Variants in DAB1 observed in about 807,000 individuals in gnomAD.
DAB1 encodes the protein disabled homolog 1.
A neutral mutation model predicts 64.6 loss-of-function variants in DAB1; 15 were observed. The ratio of observed to expected loss-of-function variants is 0.23; its 90% CI spans 0.16 to 0.36. DAB1 has a LOEUF of 0.36. DAB1 is among the 10% of genes least tolerant of loss of function. The pLI is 1.00. For missense variants in DAB1, 596 were observed against 706.7 expected (o/e 0.84, Z 1.78); for synonymous variants, 235 against 251.9 (o/e 0.93, Z 0.64).
At chr1:57,592,134 G>A (rs753937628) in intron 7 of DAB1, among the ~76,000 whole-genome samples, 17 of 152,162 alleles carry the variant, frequency 1.1e-4, no homozygotes, top group Non-Finnish European at 1.9e-4. Flanking sequence ...CACTTAAGGA[G>A]GCAGATAAGG....
At chr1:57,315,534 G>T (rs781568728) in intron 1 of DAB1, among the ~76,000 whole-genome samples, 1 of 152,066 alleles carries the variant, frequency 6.6e-6, no homozygotes, top group Non-Finnish European at 1.5e-5. Context: ...ACGGAGTCTC[G>T]CTCTGTCACC....
At chr1:57,486,409 C>G (rs1211710777) in intron 7 of DAB1, among the ~76,000 whole-genome samples, 2 of 152,160 alleles carry the variant, frequency 1.3e-5, no homozygotes, top group African/African-American at 4.8e-5. Flanking sequence ...AAAGTGCTGT[C>G]CTTTGTGGGA....
At chr1:57,866,401 G>A (rs1654301970) in intron 1 of DAB1, 1 of 152,118 alleles carries the variant, frequency 6.6e-6, no homozygotes, top group Non-Finnish European at 1.5e-5. Context: ...TAACTATGGG[G>A]TAAATTAATG....
At position 57,230,174 on chromosome 1, in the gene DAB1, T is replaced by C. The variant is rs575496243; in HGVS notation, c.67+60790A>G. Among the ~76,000 whole-genome samples, 9 of 152,336 alleles carry C rather than the reference T, an allele frequency of 5.9e-5. No individual in the cohort carries two copies. In the South Asian group the frequency reaches 1.2e-3, roughly 21 times the overall value. On this transcript the variant is annotated intron_variant, in intron 2 of 14. Transcript: ENST00000371236. ...AAATTGAGCTCTTTAACTCTCATTC[T>C]GACTTCTTATGCAAGCTAACAACTA... is the stretch of plus-strand genomic sequence containing the variant.
chr1:57,523,458 G>A (rs1644554652), intron 7 of DAB1, among the ~76,000 whole-genome samples: 1 of 152,172 alleles, frequency 6.6e-6, no homozygotes, highest in Non-Finnish European at 1.5e-5. Context: ...TGAACAAACA[G>A]CCAATGAGCA....
At chr1:58,070,942 G>A (rs188598995) in intron 5 of DAB1, among the ~76,000 whole-genome samples, 10 of 152,286 alleles carry the variant, frequency 6.6e-5, no homozygotes, top group East Asian at 3.9e-4. Flanking sequence ...AGGTGGAGAC[G>A]CCCAGTTCAC....
chr1:57,902,395 G>A (rs1644489362), intron 5 of DAB1, among the ~76,000 whole-genome samples: 1 of 151,962 alleles, frequency 6.6e-6, no homozygotes, highest in Admixed American at 6.6e-5. Flanking sequence ...CTAAGAATAA[G>A]GGCATTTTTC....
chr1:58,300,630 G>GAGAGAC (rs1662126530), intron 4 of DAB1, among the ~76,000 whole-genome samples: 28 of 70,936 alleles, frequency 3.9e-4, no homozygotes, highest in African/African-American at 1.5e-3. Context: ...GAGAGAGAGA[G>GAGAGAC]AGAGAGAGAG....
At chr1:58,316,423 C>G (rs921786229) in intron 4 of DAB1, among the ~76,000 whole-genome samples, 1 of 152,126 alleles carries the variant, frequency 6.6e-6, no homozygotes, top group African/African-American at 2.4e-5. Flanking sequence ...TTCATTGATT[C>G]AGCACTCATT....
intron 3 of DAB1, among the ~76,000 whole-genome samples, chr1:58,417,386 T>C (rs970608399): frequency 1.3e-5 from 2 of 152,242 alleles, no homozygotes; most frequent in Non-Finnish European, 2.9e-5. Flanking sequence ...TGTTATGCTT[T>C]TCTGTCATCA....
At chr1:57,274,927 T>A (rs1469292931) in intron 2 of DAB1, among the ~76,000 whole-genome samples, 1 of 149,884 alleles carries the variant, frequency 6.7e-6, no homozygotes, top group Non-Finnish European at 1.5e-5. Flanking sequence ...CTTAACTGCT[T>A]AAAAAAAAAT....
chr1:58,399,497 A>T (rs1294324537), intron 3 of DAB1, among the ~76,000 whole-genome samples: 2 of 152,144 alleles, frequency 1.3e-5, no homozygotes, highest in Non-Finnish European at 2.9e-5. Context: ...AGATAGGGAA[A>T]CCAAGACGTG....
intron 4 of DAB1, among the ~76,000 whole-genome samples, chr1:57,127,869 C>A (rs1469858107): frequency 1.3e-5 from 2 of 152,090 alleles, no homozygotes; most frequent in Non-Finnish European, 2.9e-5. Context: ...AACTCCTGTC[C>A]GGGCGTGGTA....
intron 2 of DAB1, among the ~76,000 whole-genome samples, chr1:58,513,829 G>C (rs1646119220): frequency 6.6e-6 from 1 of 152,158 alleles, no homozygotes; most frequent in Non-Finnish European, 1.5e-5. Context: ...TCACTTTACA[G>C]ATTAGATGAA....
At chr1:58,373,277 T>G (rs1644286534) in intron 3 of DAB1, among the ~76,000 whole-genome samples, 1 of 144,940 alleles carries the variant, frequency 6.9e-6, no homozygotes, top group East Asian at 2.0e-4. Context: ...ACCCACTAAC[T>G]CGTCATCTAG....
chr1:57,175,683 G>T (rs1423739351), intron 2 of DAB1, among the ~76,000 whole-genome samples: 1 of 152,132 alleles, frequency 6.6e-6, no homozygotes, highest in Non-Finnish European at 1.5e-5. Flanking sequence ...GCTAAACTTG[G>T]AGACTTTCTC....
intron 7 of DAB1, among the ~76,000 whole-genome samples, chr1:57,543,410 C>G (rs1644824379): frequency 6.6e-6 from 1 of 152,162 alleles, no homozygotes; most frequent in Non-Finnish European, 1.5e-5. Context: ...TCATGTCCAT[C>G]CGACTCATTA....
chr1:57,822,983 ATT>A (rs71246208), downstream of DAB1, among the ~76,000 whole-genome samples: 40,016 of 130,878 alleles, frequency 0.31, 6,304 homozygotes, highest in Admixed American at 0.45. Flanking sequence ...TAATTTAGGA[ATT>A]TTTTTTTTTT....
chr1:58,144,038 C>T (rs1343543951), intron 5 of DAB1, among the ~76,000 whole-genome samples: 2 of 152,168 alleles, frequency 1.3e-5, no homozygotes, highest in African/African-American at 4.8e-5. Flanking sequence ...ATTTTAATCA[C>T]AATGTACACT....
Sources: allele counts gnomAD v4.1 joint callset (sites outside exome capture counted in the v4.1 genomes callset), GRCh38; gene constraint gnomAD v4.1.1; transcripts MANE v1.5; gene names NCBI Gene and HGNC (gene_info 2026-07-23, HGNC 2026-07-21).